OSBPL10: variants seen among roughly 807,000 people sequenced by gnomAD.
The protein encoded by OSBPL10 is oxysterol-binding protein-related protein 10.
A neutral mutation model predicts 81.7 loss-of-function variants in OSBPL10; 49 were observed. That is an observed-to-expected ratio of 0.60 (90% CI 0.48 to 0.76). The LOEUF is 0.76. Ranked by LOEUF, OSBPL10 falls within the 30% of genes least tolerant of loss-of-function variation. The probability of loss-of-function intolerance (pLI) is 0.00; values close to 1 mark genes in which losing one functional copy is unlikely to be tolerated. For missense variants in OSBPL10, 923 were observed against 987.8 expected (o/e 0.93, Z 0.88); for synonymous variants, 419 against 383.6 (o/e 1.09, Z -1.08).
chr3:32,040,488 A>T lies in OSBPL10; in HGVS notation n.298+6003T>A, dbSNP rs1699565265. Among the ~76,000 whole-genome samples, 3 of 152,090 alleles carry T rather than the reference A, an allele frequency of 2.0e-5. No homozygotes were observed. In the South Asian group the frequency reaches 6.2e-4, roughly 32 times the overall value. On this transcript the variant is annotated intron_variant and non_coding_transcript_variant, in intron 2 of 3. Transcript: ENST00000479173. ...CCACTCAGGAGGCTGAGACAGGAGC[A>T]TGACTTGAACCCAGGAGGTGGGTTC...
chr3:31,832,042 G>A (rs761692093), intron 3 of OSBPL10, among the ~76,000 whole-genome samples: 5 of 152,230 alleles, frequency 3.3e-5, no homozygotes, highest in Non-Finnish European at 4.4e-5. Context: ...CTACCAAGCT[G>A]TAAGAGAATA....
chr3:31,940,986 G>A (rs1697520351), intron 1 of OSBPL10, among the ~76,000 whole-genome samples: 1 of 152,116 alleles, frequency 6.6e-6, no homozygotes, highest in Non-Finnish European at 1.5e-5. Flanking sequence ...TCCCTCCCCA[G>A]AATGTGAATT....
At chr3:32,026,057 T>TAGATAGATAGATAGATGATA (rs58717718) in intron 2 of OSBPL10, among the ~76,000 whole-genome samples, 3 of 111,232 alleles carry the variant, frequency 2.7e-5, no homozygotes, top group African/African-American at 6.9e-5. Context: ...GATAGATAGA[T>TAGATAGATAGATAGATGATA]GATAGATAGA....
At chr3:31,849,863 C>A (rs1380139361) in intron 3 of OSBPL10, among the ~76,000 whole-genome samples, 1 of 152,020 alleles carries the variant, frequency 6.6e-6, no homozygotes, top group Non-Finnish European at 1.5e-5. Flanking sequence ...CATAGTGAGT[C>A]TCCTTCTCTA....
intron 4 of OSBPL10, among the ~76,000 whole-genome samples, chr3:31,799,572 T>C (rs1013052551): frequency 3.3e-5 from 5 of 152,082 alleles, no homozygotes; most frequent in African/African-American, 1.2e-4. Context: ...CATGGAGGTG[T>C]TGGTGAAGAT....
chr3:31,957,009 C>G (rs1221356749), intron 1 of OSBPL10, among the ~76,000 whole-genome samples: 1 of 152,034 alleles, frequency 6.6e-6, no homozygotes, highest in Non-Finnish European at 1.5e-5. Flanking sequence ...GTGGTACACA[C>G]CTGTGGTCCC....
At chr3:31,868,959 C>T (rs530089405) in intron 3 of OSBPL10, among the ~76,000 whole-genome samples, 8 of 152,194 alleles carry the variant, frequency 5.3e-5, no homozygotes, top group Non-Finnish European at 5.9e-5. Context: ...TAAAAACAGA[C>T]TGCTAAACAG....
At chr3:31,898,057 AATG>A (rs1387002605) in intron 1 of OSBPL10, among the ~76,000 whole-genome samples, 9 of 150,164 alleles carry the variant, frequency 6.0e-5, no homozygotes, top group Non-Finnish European at 1.2e-4. Context: ...AAGAGAAAGG[AATG>A]ATATTTTCAA....
intron 4 of OSBPL10, among the ~76,000 whole-genome samples, chr3:31,785,528 C>T (rs1256064586): frequency 6.6e-6 from 1 of 152,160 alleles, no homozygotes; most frequent in African/African-American, 2.4e-5. Context: ...CCAAGGCCTA[C>T]TTACAAGCAC....
chr3:31,965,423 ATAGATAATATAT>A (rs1559534717), intron 1 of OSBPL10, among the ~76,000 whole-genome samples: 16 of 104,920 alleles, frequency 1.5e-4, no homozygotes, highest in African/African-American at 6.8e-4. Context: ...ATTATATATA[ATAGATAATATAT>A]AATATATATT....
chr3:31,771,470 A>T (rs1433009658), intron 4 of OSBPL10, among the ~76,000 whole-genome samples: 1 of 152,154 alleles, frequency 6.6e-6, no homozygotes, highest in Non-Finnish European at 1.5e-5. Flanking sequence ...GAAGCATGAC[A>T]AGATAAAGAA....
chr3:31,696,401 C>T (rs1014389709), intron 7 of OSBPL10, among the ~76,000 whole-genome samples: 2 of 152,250 alleles, frequency 1.3e-5, no homozygotes, highest in African/African-American at 4.8e-5. Context: ...ATCAAAGTTC[C>T]TTTAAAGAGC....
At chr3:31,769,573 T>C (rs1698313907) in intron 4 of OSBPL10, among the ~76,000 whole-genome samples, 1 of 145,834 alleles carries the variant, frequency 6.9e-6, no homozygotes, top group South Asian at 2.1e-4. Flanking sequence ...ATATTATAAC[T>C]CATTATAAAA....
chr3:31,678,811 T>A (rs1700558456), intron 8 of OSBPL10, among the ~76,000 whole-genome samples: 1 of 151,278 alleles, frequency 6.6e-6, no homozygotes, highest in African/African-American at 2.4e-5. Context: ...TGTGTGTGTG[T>A]GTGTGTGTGT....
intron 1 of OSBPL10, among the ~76,000 whole-genome samples, chr3:31,880,965 G>A (rs756431662): frequency 1.1e-4 from 16 of 152,196 alleles, no homozygotes; most frequent in Non-Finnish European, 1.2e-4. Context: ...TTGGCAGATG[G>A]AGTGAAGCAG....
chr3:31,924,323 C>T (rs1383885607), intron 1 of OSBPL10, among the ~76,000 whole-genome samples: 1 of 152,032 alleles, frequency 6.6e-6, no homozygotes, highest in African/African-American at 2.4e-5. Flanking sequence ...GAAAAGAGTA[C>T]GTGGTCCATG....
chr3:32,055,824 C>A (rs1699706456), intron 1 of OSBPL10, among the ~76,000 whole-genome samples: 1 of 152,122 alleles, frequency 6.6e-6, no homozygotes, highest in South Asian at 2.1e-4. Flanking sequence ...GTAAAGAATG[C>A]CACTTCTGAC....
At chr3:31,904,552 A>G (rs1189537290) in intron 1 of OSBPL10, among the ~76,000 whole-genome samples, 11 of 152,156 alleles carry the variant, frequency 7.2e-5, no homozygotes, top group Admixed American at 7.2e-4. Context: ...TGTTCCTCCA[A>G]CACATGCTCC....
intron 4 of OSBPL10, among the ~76,000 whole-genome samples, chr3:31,812,749 A>G (rs1215851706): frequency 1.6e-4 from 5 of 31,756 alleles, no homozygotes; most frequent in African/African-American, 2.8e-4. Context: ...AAAGAAAGAA[A>G]GAAAGAAAGA....
Sources: gnomAD v4.1 joint callset for allele counts (sites outside exome capture counted in the v4.1 genomes callset) on GRCh38, gnomAD v4.1.1 for gene constraint, MANE v1.5 for transcripts, NCBI Gene and HGNC (gene_info 2026-07-23, HGNC 2026-07-21) for gene names.